GRID2: variants seen among roughly 807,000 people sequenced by gnomAD.
The protein encoded by GRID2 is glutamate receptor ionotropic, delta-2.
A neutral mutation model predicts 114.8 loss-of-function variants in GRID2; 33 were observed. The observed-to-expected ratio is 0.29, with a 90% CI of 0.22 to 0.38. GRID2 has a LOEUF of 0.38. Ranked by LOEUF, GRID2 falls within the 10% of genes least tolerant of loss-of-function variation. The pLI is 1.00. For synonymous variants in GRID2, 505 were observed against 449.9 expected, an observed-to-expected ratio of 1.12 and a Z score of -1.55; for missense variants, 1,184 against 1,257.7, an observed-to-expected ratio of 0.94 and a Z score of 0.89.
intron 1 of GRID2, among the ~76,000 whole-genome samples, chr4:92,434,851 T>C (rs1732652766): frequency 6.6e-6 from 1 of 152,130 alleles, no homozygotes; most frequent in Non-Finnish European, 1.5e-5. Flanking sequence ...AAAATGCTCA[T>C]ATGAAAATTT....
chr4:92,947,261 C>T (rs902148198), intron 2 of GRID2, among the ~76,000 whole-genome samples: 10 of 152,028 alleles, frequency 6.6e-5, no homozygotes, highest in Non-Finnish European at 1.3e-4. Flanking sequence ...ATCTCATCCT[C>T]TTTGTCAGCA....
chr4:93,244,509 TAATCTATTAATTAATA>T, intron 8 of GRID2, among the ~76,000 whole-genome samples: 1 of 49,526 alleles, frequency 2.0e-5, no homozygotes, highest in Non-Finnish European at 4.3e-5. Context: ...ATAGATTATA[TAATCTATTAATTAATA>T]GATTATATAA....
At chr4:92,850,437 TAAAC>T (rs545056999) in intron 2 of GRID2, among the ~76,000 whole-genome samples, 7 of 151,924 alleles carry the variant, frequency 4.6e-5, no homozygotes, top group Non-Finnish European at 7.4e-5. Context: ...TGGATGTTAA[TAAAC>T]AATTTATTTT....
At chr4:92,707,361 A>G (rs1257106690) in intron 2 of GRID2, among the ~76,000 whole-genome samples, 1 of 152,192 alleles carries the variant, frequency 6.6e-6, no homozygotes, top group Non-Finnish European at 1.5e-5. Flanking sequence ...GGATAGCAAA[A>G]TTTTGACATA....
chr4:93,711,354 T>C (rs1728463381), intron 14 of GRID2, among the ~76,000 whole-genome samples: 2 of 152,132 alleles, frequency 1.3e-5, no homozygotes, highest in African/African-American at 2.4e-5. Context: ...GCTCAGGGTA[T>C]GTCTAGAAAT....
intron 2 of GRID2, among the ~76,000 whole-genome samples, chr4:93,018,900 TA>T (rs1723020393): frequency 6.6e-6 from 1 of 152,032 alleles, no homozygotes; most frequent in Non-Finnish European, 1.5e-5. Flanking sequence ...ACTTTTACAT[TA>T]AAAGTAAAAG....
At chr4:93,728,231 G>C (rs534941370) in intron 14 of GRID2, among the ~76,000 whole-genome samples, 2 of 151,818 alleles carry the variant, frequency 1.3e-5, no homozygotes, top group African/African-American at 4.8e-5. Context: ...TTCTGCCTTC[G>C]TTTCATTATG....
At chr4:92,458,214 G>T (rs1317633201) in intron 1 of GRID2, among the ~76,000 whole-genome samples, 4 of 152,072 alleles carry the variant, frequency 2.6e-5, no homozygotes, top group Non-Finnish European at 4.4e-5. Flanking sequence ...GCTAAATTTT[G>T]CAAAAATAAT....
chr4:93,605,024 T>C (rs1026219445), intron 13 of GRID2, among the ~76,000 whole-genome samples: 2 of 152,144 alleles, frequency 1.3e-5, no homozygotes, highest in Non-Finnish European at 1.5e-5. Context: ...ATGCCTATAA[T>C]TGGGAATAGT....
intron 2 of GRID2, among the ~76,000 whole-genome samples, chr4:92,770,295 C>T (rs1345379194): frequency 1.3e-5 from 2 of 152,170 alleles, no homozygotes; most frequent in African/African-American, 4.8e-5. Flanking sequence ...TCTTATTGTT[C>T]ATATCACTAT....
At chr4:92,419,629 T>C (rs895465605) in intron 1 of GRID2, among the ~76,000 whole-genome samples, 1 of 152,120 alleles carries the variant, frequency 6.6e-6, no homozygotes, top group Non-Finnish European at 1.5e-5. Flanking sequence ...CTTTAACTGC[T>C]TCTTAAAGTT....
intron 13 of GRID2, among the ~76,000 whole-genome samples, chr4:93,585,583 A>G (rs929562357): frequency 1.3e-5 from 2 of 152,092 alleles, no homozygotes; most frequent in Non-Finnish European, 2.9e-5. Flanking sequence ...CATTGTCCTC[A>G]TAAAATTTGT....
At chr4:92,944,251 A>T (rs1225208883) in intron 2 of GRID2, among the ~76,000 whole-genome samples, 1 of 152,090 alleles carries the variant, frequency 6.6e-6, no homozygotes, top group East Asian at 1.9e-4. Context: ...CGCTTTGTTT[A>T]CCTACTCAAG....
intron 2 of GRID2, among the ~76,000 whole-genome samples, chr4:92,901,643 G>A (rs1006052600): frequency 5.3e-5 from 8 of 151,930 alleles, no homozygotes; most frequent in Non-Finnish European, 7.4e-5. Flanking sequence ...TTTTAATTAC[G>A]TTTATGCAGT....
At chr4:93,725,244 T>C (rs1035641470) in intron 14 of GRID2, among the ~76,000 whole-genome samples, 1 of 152,234 alleles carries the variant, frequency 6.6e-6, no homozygotes, top group African/African-American at 2.4e-5. Flanking sequence ...TTTGGTTTTC[T>C]GTCCTTGCGA....
intron 3 of GRID2, among the ~76,000 whole-genome samples, chr4:93,095,630 T>C (rs1207733192): frequency 1.3e-5 from 2 of 151,990 alleles, no homozygotes; most frequent in East Asian, 3.9e-4. Flanking sequence ...TATTTCTTTC[T>C]AATAGCAATA....
chr4:93,483,137 C>A (rs1215687348), intron 11 of GRID2, among the ~76,000 whole-genome samples: 1 of 152,002 alleles, frequency 6.6e-6, no homozygotes, highest in Non-Finnish European at 1.5e-5. Context: ...GACTTCCACA[C>A]AAATTCCAAC....
chr4:92,907,468 A>G (rs1364906349), intron 2 of GRID2, among the ~76,000 whole-genome samples: 3 of 152,002 alleles, frequency 2.0e-5, no homozygotes, highest in East Asian at 2.0e-4. Flanking sequence ...CTGTAGTGCA[A>G]TGGCGCGATC....
chr4:92,715,729 A>G (rs1056753034), intron 2 of GRID2, among the ~76,000 whole-genome samples: 2 of 152,204 alleles, frequency 1.3e-5, no homozygotes, highest in African/African-American at 4.8e-5. Flanking sequence ...AATAGCATGG[A>G]AAAAAACTGG....
Sources: gnomAD v4.1 joint callset for allele counts (sites outside exome capture counted in the v4.1 genomes callset) on GRCh38, gnomAD v4.1.1 for gene constraint, MANE v1.5 for transcripts, NCBI Gene and HGNC (gene_info 2026-07-23, HGNC 2026-07-21) for gene names.